The following MECR variants were observed in gnomAD, a reference collection of about 807,000 sequenced individuals.
MECR encodes enoyl-[acyl-carrier-protein] reductase, mitochondrial.
In MECR, 37 loss-of-function variants were observed where a neutral mutation model predicts 49.1. The observed-to-expected ratio is 0.75, with a 90% CI of 0.58 to 0.99. MECR has a LOEUF of 0.99. Ranked by LOEUF, MECR falls within the 50% of genes least tolerant of loss-of-function variation. MECR has a pLI of 0.00. For synonymous variants in MECR, 198 were observed against 191.1 expected (o/e 1.04, Z -0.30); for missense variants, 470 against 479.6 (o/e 0.98, Z 0.19).
chr1:29,180,309 ACTT>A, the MECR span, among the ~76,000 whole-genome samples: 1 of 152,252 alleles, frequency 6.6e-6, no homozygotes, highest in Admixed American at 6.5e-5. Flanking sequence ...TCTACCCGCC[ACTT>A]CAATATATCC....
intron 1 of MECR, chr1:29,216,888 A>G (rs1232722494): frequency 1.6e-6 from 2 of 1,267,586 alleles, no homozygotes; most frequent in Non-Finnish European, 1.0e-6. Flanking sequence ...TAATCCCAGC[A>G]CTTTGGAAGG....
At chr1:29,177,077 T>C in the MECR span, among the ~76,000 whole-genome samples, 15 of 152,336 alleles carry the variant, frequency 9.8e-5, 1 homozygote, top group Middle Eastern at 0.017. Flanking sequence ...CACAAGATTT[T>C]ATGACAAAAG....
intron 3 of MECR, among the ~76,000 whole-genome samples, chr1:29,214,764 T>C (rs1678945393): frequency 6.6e-6 from 1 of 152,180 alleles, no homozygotes; most frequent in Non-Finnish European, 1.5e-5. Flanking sequence ...AAGAATCCAG[T>C]GGGCACTCTC....
At chr1:29,225,912 T>C (rs527324957) in intron 1 of MECR, among the ~76,000 whole-genome samples, 14 of 152,292 alleles carry the variant, frequency 9.2e-5, no homozygotes, top group Admixed American at 6.5e-4. Flanking sequence ...CTCATGCCTG[T>C]AATCCCAGCA....
intron 4 of MECR, 144 bp from the exon 5 acceptor site, chr1:29,203,377 C>T (rs1331147784): frequency 5.0e-6 from 3 of 599,466 alleles, no homozygotes; most frequent in Non-Finnish European, 8.8e-6. Flanking sequence ...CTTCTCAGAC[C>T]TTCCACTGTT....
At chr1:29,211,810 C>T (rs886968284) in intron 3 of MECR, among the ~76,000 whole-genome samples, 3 of 152,226 alleles carry the variant, frequency 2.0e-5, no homozygotes, top group African/African-American at 7.2e-5. Context: ...GATCTATCCA[C>T]ACCATCTGGT....
the MECR span, among the ~76,000 whole-genome samples, chr1:29,176,125 G>A: frequency 8.6e-5 from 13 of 151,754 alleles, no homozygotes; most frequent in East Asian, 1.2e-3. Context: ...GGTGGCACGC[G>A]CCTGTAGTCC....
chr1:29,186,421 A>C, the MECR span, among the ~76,000 whole-genome samples: 2 of 152,068 alleles, frequency 1.3e-5, no homozygotes, highest in Non-Finnish European at 2.9e-5. Context: ...CACTTACTAC[A>C]CAGTCTGTAA....
At chr1:29,200,272 G>A in intron 7 of MECR, 1 of 370,258 alleles carries the variant, frequency 2.7e-6, no homozygotes, top group Non-Finnish European at 5.0e-6. Flanking sequence ...CAGCTTAGCA[G>A]TCTACTTCTG....
At chr1:29,210,345 C>G (rs1677681937) in intron 3 of MECR, among the ~76,000 whole-genome samples, 1 of 152,026 alleles carries the variant, frequency 6.6e-6, no homozygotes, top group African/African-American at 2.4e-5. Context: ...TGTGTCAATC[C>G]TAGAGTAGGT....
chr1:29,215,974 G>A lies in MECR; in HGVS notation c.406+31C>T, dbSNP rs762331248. ...TGGGTGAAATAGGATCTGGAAGAAC[G>A]AATAGGCAGCTGACACCTGGAGAAA... On this transcript the variant is annotated intron_variant, in intron 3 of 9. Transcript: ENST00000263702. The A allele has an allele frequency of 5.0e-6, 8 of 1,612,032 alleles. No individual in the cohort carries two copies. The Admixed American group carries it at 6.7e-5, about 13-fold the overall frequency.
intron 3 of MECR, among the ~76,000 whole-genome samples, chr1:29,214,101 G>A (rs182437192): frequency 3.5e-5 from 5 of 144,624 alleles, no homozygotes; most frequent in African/African-American, 5.2e-5. Context: ...TTACTCTGTC[G>A]CCCAGGTTGG....
At chr1:29,168,037 A>C in the MECR span, among the ~76,000 whole-genome samples, 1 of 150,576 alleles carries the variant, frequency 6.6e-6, no homozygotes, top group Admixed American at 6.6e-5. Flanking sequence ...TTTAAAAAAA[A>C]CATAGTCTCG....
the MECR span, among the ~76,000 whole-genome samples, chr1:29,184,422 C>T: frequency 0.37 from 56,196 of 151,698 alleles, 11,201 homozygotes; most frequent in Non-Finnish European, 0.44. Flanking sequence ...GGTGAGGTGG[C>T]GTGAGCCACC....
At chr1:29,173,254 C>T in the MECR span, 1 of 145,640 alleles carries the variant, frequency 6.9e-6, no homozygotes, top group Non-Finnish European at 1.5e-5. Flanking sequence ...TCTCCTACTT[C>T]AACCTCCCAA....
downstream of MECR, among the ~76,000 whole-genome samples, chr1:29,189,523 TA>T (rs1331146070): frequency 2.0e-5 from 3 of 152,222 alleles, no homozygotes; most frequent in African/African-American, 7.2e-5. Flanking sequence ...CGTCTGAAAT[TA>T]AAAACAATCT....
At chr1:29,197,903 C>T (rs1396045707) in intron 7 of MECR, among the ~76,000 whole-genome samples, 3 of 152,242 alleles carry the variant, frequency 2.0e-5, no homozygotes, top group South Asian at 2.1e-4. Flanking sequence ...GAAGTCCATC[C>T]GTCATTTGTA....
chr1:29,215,840 C>T (rs1262042799), intron 3 of MECR, among the ~76,000 whole-genome samples, 165 bp downstream of exon 3: 1 of 152,098 alleles, frequency 6.6e-6, no homozygotes, highest in Non-Finnish European at 1.5e-5. Flanking sequence ...CATTGCACTC[C>T]AGCCTGGGCA....
chr1:29,214,518 C>G (rs377551783), intron 3 of MECR, among the ~76,000 whole-genome samples: 2 of 151,778 alleles, frequency 1.3e-5, no homozygotes, highest in African/African-American at 2.4e-5. Flanking sequence ...CATGCCACCA[C>G]ACCCGGCTAA....
Sources: allele counts gnomAD v4.1 joint callset (sites outside exome capture counted in the v4.1 genomes callset), GRCh38; gene constraint gnomAD v4.1.1; transcripts MANE v1.5; gene names NCBI Gene and HGNC (gene_info 2026-07-23, HGNC 2026-07-21).